Variants in TRIM8 observed in about 807,000 individuals in gnomAD.
TRIM8 encodes the protein tripartite motif containing 8, also known as E3 ubiquitin-protein ligase TRIM8.
Under a neutral mutation model 55.7 loss-of-function variants are expected in TRIM8, and 9 were observed. That is an observed-to-expected ratio of 0.16 (90% CI 0.10 to 0.28). The LOEUF is 0.28. Among genes scored for constraint, TRIM8 ranks in the 10% least tolerant of loss-of-function variants. The pLI, the probability that TRIM8 is intolerant of heterozygous loss-of-function variation, is 1.00. For synonymous variants in TRIM8, 335 were observed against 333.3 expected, an observed-to-expected ratio of 1.01 and a Z score of -0.06; for missense variants, 556 against 736.4, an observed-to-expected ratio of 0.76 and a Z score of 2.83.
chr10:102,656,644 T>C lies in TRIM8; in HGVS notation c.1049-103T>C. 2 of 1,485,840 alleles carry C rather than the reference T, an allele frequency of 1.3e-6. No individual in the cohort carries two copies. The highest frequency in any genetic ancestry group is 2.3e-5 in the East Asian group (1 of 43,534). 92.0% of individuals were successfully genotyped at this position (1,485,840 alleles called of 1,614,324 possible). The stretch of plus-strand genomic sequence containing the variant: ...AAGCATCACCTGAGATGTAACATTC[T>C]TGGGCCTCTAGGTGTCAATGGTCCC... On this transcript the variant is annotated intron_variant, in intron 5 of 5. Transcript: ENST00000643721. The surrounding 1 kb of genome is among the most constrained non-coding windows in gnomAD (Gnocchi z 4.6).
rs748355841 is a variant in TRIM8, at chr10:102,645,111, A to G, written c.494A>G (p.Gln165Arg). Reference protein sequence around the residue: ...HCEAEQVAVCQYCCYYSGAHQ... With the variant: ...HCEAEQVAVCRYCCYYSGAHQ... Reference sequence around the variant, plus strand: ...GAGGCCGAGCAGGTGGCCGTGTGCCAGTACTGCTGCTACTACAGCGGCGCG... The same window carrying G: ...GAGGCCGAGCAGGTGGCCGTGTGCCGGTACTGCTGCTACTACAGCGGCGCG... The change falls in exon 1 of 6, where the codon CAG (glutamine) becomes CGG (arginine). Residue 165 changes from glutamine (Q) to arginine (R), a missense_variant. By Grantham distance (43) the Gln-to-Arg change is conservative. Around this residue, in one of 2 missense-constraint regions of TRIM8, gnomAD observed 165 missense variants for 295.3 expected, o/e 0.56. Transcript: ENST00000643721. 3 of 1,592,722 alleles carry G rather than the reference A, an allele frequency of 1.9e-6. No individual in the cohort carries two copies. Among genetic ancestry groups the G allele is most frequent in the Non-Finnish European group, 2.5e-6 (3 of 1,177,208 alleles).
chr10:102,654,165 T>C (rs1352468872), intron 1 of TRIM8: 1 of 157,772 alleles, frequency 6.3e-6, no homozygotes, highest in Non-Finnish European at 1.4e-5. Flanking sequence ...CTGGGCATGG[T>C]GGCTCACGCC....
chr10:102,656,744 C>G lies in TRIM8; in HGVS notation c.1049-3C>G. The G allele has an allele frequency of 6.6e-7, 1 of 1,510,534 alleles. No homozygotes were observed. Among genetic ancestry groups the G allele is most frequent in the Non-Finnish European group, 8.8e-7 (1 of 1,131,124 alleles). The allele number at this position is 1,510,534 out of a possible 1,614,324, so 93.6% of individuals were successfully genotyped here. On this transcript the variant is annotated splice_polypyrimidine_tract_variant and splice_region_variant and intron_variant, in intron 5 of 5. Transcript: ENST00000643721. The surrounding 1 kb of genome is among the most constrained non-coding windows in gnomAD (Gnocchi z 4.6). Reference sequence around the variant, plus strand: ...TGGCGACTTTTGCCCCAACTCTCCACAGGCCCCTTCAGCACGCCGGTGCCC... The same window carrying G: ...TGGCGACTTTTGCCCCAACTCTCCAGAGGCCCCTTCAGCACGCCGGTGCCC...
rs2064020585 is a variant in TRIM8 at position 102,656,025 on chromosome 10, G to A, written c.901-81G>A. 6.2e-6 allele frequency: 10 copies of A among 1,606,682 alleles called. No individual in the cohort carries two copies. Among genetic ancestry groups the A allele is most frequent in the Non-Finnish European group, 8.5e-6 (10 of 1,173,554 alleles). ...CCCAGCCTGGGGGAGGCTCAGGGGG[G>A]GCAGCTTTTGTCTTCCCCTCTCCCC... On this transcript the variant is annotated intron_variant, in intron 3 of 5. Transcript: ENST00000643721. This position sits in a 1 kb window ranked among gnomAD's most constrained non-coding sequence, Gnocchi z 4.6.
chr10:102,655,022 GA>G, intron 2 of TRIM8, 57 bp from the exon 3 acceptor site: 5 of 1,582,532 alleles, frequency 3.2e-6, no homozygotes, highest in Middle Eastern at 1.7e-4. Flanking sequence ...AAGAGGGGGG[GA>G]AACCAAAGGT....
chr10:102,645,526 G>A, intron 1 of TRIM8: 1 of 224,904 alleles, frequency 4.4e-6, no homozygotes, highest in South Asian at 1.2e-4. Flanking sequence ...CCTACGGGAA[G>A]TCACCGAGGC....
chr10:102,645,346 C>T (rs2063925360), intron 1 of TRIM8, 159 bp downstream of exon 1: 2 of 830,756 alleles, frequency 2.4e-6, no homozygotes, highest in Non-Finnish European at 1.7e-6. Context: ...GGGACAGGGT[C>T]CTGGGAAGAA....
At chr10:102,646,852 G>A (rs1051208057) in intron 1 of TRIM8, among the ~76,000 whole-genome samples, 1 of 152,202 alleles carries the variant, frequency 6.6e-6, no homozygotes. Context: ...AAGGAGATGT[G>A]GCTGAAAGGA....
In TRIM8 at chr10:102,656,847, C is replaced by T. The variant is rs1443265857; in HGVS notation, c.1149C>T (p.Phe383=). The T allele has an allele frequency of 1.9e-6, 3 of 1,552,662 alleles. No homozygotes were observed. The highest frequency in any genetic ancestry group is 2.7e-5 in the African/African-American group (2 of 72,966). The change falls in exon 6 of 6, where the codon TTC becomes TTT. Residue 383 remains phenylalanine, a synonymous_variant. Transcript: ENST00000643721. This position sits in a 1 kb window ranked among gnomAD's most constrained non-coding sequence, Gnocchi z 4.6. ...GAEKRKHSTA[F]PEASFLETSS... is the part of the protein sequence containing the mutation. ...AAAAGCGCAAGCACTCAACGGCCTT[C>T]CCAGAGGCCAGTTTCCTAGAGACGT...
At position 102,656,775 on chromosome 10, in the gene TRIM8, G is replaced by A; in HGVS notation, c.1077G>A (p.Leu359=). ...EGPFSTPVPF[L]QSVPLYPCGV... is the part of the protein sequence containing the mutation. ...CCTTCAGCACGCCGGTGCCCTTCCT[G>A]CAGAGTGTCCCCCTGTACCCTTGCG... Residue 359 remains leucine, a synonymous_variant, in exon 6 of 6, where the codon CTG becomes CTA. Transcript: ENST00000643721. The surrounding 1 kb of genome is among the most constrained non-coding windows in gnomAD (Gnocchi z 4.6). 7 of 1,513,126 alleles carry A rather than the reference G, an allele frequency of 4.6e-6. No individual in the cohort carries two copies. Among genetic ancestry groups the A allele is most frequent in the Non-Finnish European group, 6.2e-6 (7 of 1,131,470 alleles). 93.7% of individuals were successfully genotyped at this position (1,513,126 alleles called of 1,614,324 possible). A position where few individuals can be genotyped will look rare whatever the true frequency, so the allele number is the denominator to read the frequency against.
chr10:102,656,840 C>T lies in TRIM8; in HGVS notation c.1142C>T (p.Thr381Met), dbSNP rs751046151. Residue 381 changes from threonine (T) to methionine (M), a missense_variant, in exon 6 of 6, where the codon ACG becomes ATG. Physicochemically the swap from Thr to Met is moderately conservative, Grantham distance 81 (BLOSUM62 -1). This residue lies in a region of TRIM8 where 391 missense variants were observed against 441.0 expected (regional missense o/e 0.89). Transcript: ENST00000643721. The surrounding 1 kb of genome is among the most constrained non-coding windows in gnomAD (Gnocchi z 4.6). Reference sequence around the variant, plus strand: ...GGGGCGGAAAAGCGCAAGCACTCAACGGCCTTCCCAGAGGCCAGTTTCCTA... The same window carrying T: ...GGGGCGGAAAAGCGCAAGCACTCAATGGCCTTCCCAGAGGCCAGTTTCCTA... The part of the protein sequence containing the change: ...SSGAEKRKHS[T>M]AFPEASFLET... 4.1e-5 allele frequency: 64 copies of T among 1,546,208 alleles called. No homozygotes were observed. The African/African-American group carries it at 7.4e-4, about 18-fold the overall frequency.
At position 102,645,104 on chromosome 10, in the gene TRIM8, G is replaced by A; in HGVS notation, c.487G>A (p.Val163Met). Reference protein sequence around the residue: ...LYHCEAEQVAVCQYCCYYSGA... With the variant: ...LYHCEAEQVAMCQYCCYYSGA... Reference sequence around the variant, plus strand: ...CCACTGCGAGGCCGAGCAGGTGGCCGTGTGCCAGTACTGCTGCTACTACAG... The same window carrying A: ...CCACTGCGAGGCCGAGCAGGTGGCCATGTGCCAGTACTGCTGCTACTACAG... Residue 163 changes from valine (V) to methionine (M), a missense_variant, in exon 1 of 6, where the codon GTG becomes ATG. Physicochemically the swap from Val to Met is conservative, Grantham distance 21. Transcript: ENST00000643721. 2 of 1,595,068 alleles carry A rather than the reference G, an allele frequency of 1.3e-6. No individual in the cohort carries two copies. Among genetic ancestry groups the A allele is most frequent in the Non-Finnish European group, 1.7e-6 (2 of 1,178,210 alleles).
intron 1 of TRIM8, among the ~76,000 whole-genome samples, chr10:102,647,033 C>G (rs1310421590): frequency 6.6e-6 from 1 of 152,206 alleles, no homozygotes; most frequent in South Asian, 2.1e-4. Flanking sequence ...TTTTGAATGT[C>G]TTTGAGACTG....
intron 1 of TRIM8, among the ~76,000 whole-genome samples, chr10:102,647,033 C>T (rs1310421590): frequency 6.6e-6 from 1 of 152,206 alleles, no homozygotes; most frequent in Non-Finnish European, 1.5e-5. Flanking sequence ...TTTTGAATGT[C>T]TTTGAGACTG....
Position 102,656,055 on chromosome 10 carries a change from TCTCCCTGGAC to T in TRIM8, c.901-50_901-41del. 1.2e-6 allele frequency: 1 copy of T among 819,454 alleles called. No individual in the cohort carries two copies. The highest frequency in any genetic ancestry group is 3.5e-5 in the African/African-American group (1 of 28,240). The allele number at this position is 819,454 out of a possible 1,614,324, so 50.8% of individuals were successfully genotyped here. The stretch of plus-strand genomic sequence containing the variant: ...CTTTTGTCTTCCCCTCTCCCCGGGC[TCTCCCTGGAC>T]TGCCTTTTCCACTGACTTGACTCTT... On this transcript the variant is annotated intron_variant, in intron 3 of 5. Coordinates refer to ENST00000643721, the MANE Select transcript of TRIM8 (RefSeq NM_030912.3). This position sits in a 1 kb window ranked among gnomAD's most constrained non-coding sequence, Gnocchi z 4.6.
At chr10:102,655,992 A>G in intron 3 of TRIM8, 114 bp from the exon 4 acceptor site, 2 of 1,487,580 alleles carry the variant, frequency 1.3e-6, no homozygotes, top group Middle Eastern at 3.4e-4. Context: ...CCAGAATGAG[A>G]GGATCCACCC....
rs749254499 is a variant in TRIM8, at chr10:102,645,101, G to A, written c.484G>A (p.Ala162Thr). The stretch of plus-strand genomic sequence containing the variant: ...CTACCACTGCGAGGCCGAGCAGGTG[G>A]CCGTGTGCCAGTACTGCTGCTACTA... ...RLYHCEAEQV[A>T]VCQYCCYYSG... The change falls in exon 1 of 6, where the codon GCC becomes ACC. Residue 162 changes from alanine to threonine, a missense_variant. Coordinates refer to ENST00000643721, the MANE Select transcript of TRIM8 (RefSeq NM_030912.3). 6.9e-6 allele frequency: 11 copies of A among 1,595,486 alleles called. No individual in the cohort carries two copies. The highest frequency in any genetic ancestry group is 9.3e-6 in the Non-Finnish European group (11 of 1,178,436).
chr10:102,644,947 C>A lies in TRIM8; in HGVS notation c.330C>A (p.Cys110Ter). The change falls in exon 1 of 6, where the codon TGC (cysteine) becomes TGA (stop). Residue 110 changes from cysteine to a stop codon, truncating the protein, a stop_gained. Transcript: ENST00000643721. LOFTEE classifies it high-confidence loss of function. ...PLPAQKVCLR[C>*]EAPCCQSHVQ... ...CCGCGCAGAAGGTCTGCCTGCGCTG[C>A]GAGGCGCCCTGCTGCCAGTCCCACG... 1 of 1,598,080 alleles carries A rather than the reference C, an allele frequency of 6.3e-7. No homozygotes were observed. Among genetic ancestry groups the A allele is most frequent in the Non-Finnish European group, 8.5e-7 (1 of 1,172,904 alleles).
At chr10:102,645,491 C>T (rs1193643402) in intron 1 of TRIM8, 2 of 278,674 alleles carry the variant, frequency 7.2e-6, no homozygotes. Context: ...GCGCAGCTCC[C>T]TCCCCCAGTC....
Sources: allele counts gnomAD v4.1 joint callset (sites outside exome capture counted in the v4.1 genomes callset), GRCh38; gene constraint gnomAD v4.1.1; regional missense constraint gnomAD v4.1.1; non-coding constraint Gnocchi (gnomAD v3.1); transcripts MANE v1.5; gene names NCBI Gene and HGNC (gene_info 2026-07-23, HGNC 2026-07-21).